Variants in SARS2 observed in about 807,000 individuals in gnomAD.
SARS2 encodes serine--tRNA ligase, mitochondrial.
Under a neutral mutation model 66.8 loss-of-function variants are expected in SARS2, and 52 were observed. The ratio of observed to expected loss-of-function variants is 0.78; its 90% CI spans 0.62 to 0.98. The LOEUF (loss-of-function observed/expected upper bound fraction) is 0.98. SARS2 is among the 50% of genes least tolerant of loss of function. SARS2 has a pLI of 0.00. For synonymous variants in SARS2, 306 were observed against 281.4 expected, an observed-to-expected ratio of 1.09 and a Z score of -0.87; for missense variants, 673 against 706.3, an observed-to-expected ratio of 0.95 and a Z score of 0.53.
chr19:38,922,421 C>T (rs1341178948), intron 2 of SARS2, among the ~76,000 whole-genome samples, 154 bp from the exon 3 acceptor site: 1 of 152,192 alleles, frequency 6.6e-6, no homozygotes, highest in Non-Finnish European at 1.5e-5. Flanking sequence ...GTTTCTGTTT[C>T]TCTATTGCTA....
At position 38,918,405 on chromosome 19, in the gene SARS2, C is replaced by T. The variant is rs1282708426; in HGVS notation, c.916+17G>A. On this transcript the variant is annotated intron_variant, in intron 9 of 15. Transcript: ENST00000221431. ...ACATCACTCCTGCTCCTCCCCACCA[C>T]CCACACAGGTCCTCACCTGCAAGCC... is the stretch of plus-strand genomic sequence containing the variant. 1 of 1,601,950 alleles carries T rather than the reference C, an allele frequency of 6.2e-7. No individual in the cohort carries two copies. The highest frequency in any genetic ancestry group is 8.5e-7 in the Non-Finnish European group (1 of 1,169,700).
At chr19:38,916,742 A>C (rs1974426031) in intron 12 of SARS2, among the ~76,000 whole-genome samples, 1 of 148,328 alleles carries the variant, frequency 6.7e-6, no homozygotes, top group South Asian at 2.1e-4. Flanking sequence ...GGCTCACTGC[A>C]ACCTCCACCT....
intron 6 of SARS2, 54 bp downstream of exon 6, chr19:38,920,032 G>T: frequency 6.7e-7 from 1 of 1,488,704 alleles, no homozygotes; most frequent in Non-Finnish European, 9.2e-7. Context: ...GGAGCCAGCT[G>T]TCGGGGTGCA....
rs778352710 is a variant in SARS2, at chr19:38,916,196, C to T, written c.1254+25G>A. On this transcript the variant is annotated intron_variant, in intron 13 of 15. Coordinates refer to ENST00000221431, the MANE Select transcript of SARS2 (RefSeq NM_017827.4). The stretch of plus-strand genomic sequence containing the variant: ...GGGCAGGCCTGTCCTCCTGCCCACC[C>T]CGTCCCCAGCGGCACAGGGCTCACC... 10 of 1,613,664 alleles carry T rather than the reference C, an allele frequency of 6.2e-6. No individual in the cohort carries two copies. In the South Asian group the frequency reaches 1.1e-4, roughly 18 times the overall value.
intron 3 of SARS2, 90 bp from the exon 4 acceptor site, chr19:38,921,757 G>A: frequency 1.9e-6 from 3 of 1,544,308 alleles, no homozygotes; most frequent in South Asian, 2.4e-5. Context: ...GAGCCCCTGT[G>A]GTGGACATTC....
intron 2 of SARS2, among the ~76,000 whole-genome samples, chr19:38,923,189 G>A (rs1431476705): frequency 7.1e-6 from 1 of 141,572 alleles, no homozygotes; most frequent in African/African-American, 2.6e-5. Context: ...ACAGGCGTGA[G>A]CCACCGCGCC....
chr19:38,926,694 G>A (rs934370817), intron 1 of SARS2, among the ~76,000 whole-genome samples: 1 of 152,180 alleles, frequency 6.6e-6, no homozygotes, highest in Non-Finnish European at 1.5e-5. Flanking sequence ...GCTGAGGCAC[G>A]AGAATCGCTT....
Position 38,930,224 on chromosome 19 carries a change from C to T in SARS2, c.267+246G>A, listed in dbSNP as rs1600175546. The T allele has an allele frequency of 2.4e-5, 13 of 543,374 alleles. No individual in the cohort carries two copies. In the East Asian group the frequency reaches 3.1e-4, roughly 13 times the overall value. 33.7% of individuals were successfully genotyped at this position (543,374 alleles called of 1,614,324 possible). ...TTCCTAAAGGACAGGAGGTACCCAG[C>T]GAGCAGTATGAAACAAGCGCATAAT... On this transcript the variant is annotated intron_variant, in intron 1 of 15. Coordinates refer to ENST00000221431, the MANE Select transcript of SARS2 (RefSeq NM_017827.4).
At position 38,917,929 on chromosome 19, in the gene SARS2, A is replaced by T. The variant is rs1114167285; in HGVS notation, c.1042T>A (p.Phe348Ile). The change falls in exon 11 of 16, where the codon TTC becomes ATC. Residue 348 changes from phenylalanine (F) to isoleucine (I), a missense_variant. Coordinates refer to ENST00000221431, the MANE Select transcript of SARS2 (RefSeq NM_017827.4). ...EPRGLYRVHHFTKVEMFGVTG... is the reference protein window; with the variant it reads ...EPRGLYRVHHITKVEMFGVTG... ...GTCCCAGCGACACCAGCCTTGGTGA[A>T]GTGGTGTACTCGATACAGCCCCCGG... 1.9e-6 allele frequency: 3 copies of T among 1,611,984 alleles called. No individual in the cohort carries two copies. The highest frequency in any genetic ancestry group is 2.5e-6 in the Non-Finnish European group (3 of 1,179,054).
intron 2 of SARS2, among the ~76,000 whole-genome samples, chr19:38,923,458 G>A (rs1179375935): frequency 1.4e-5 from 2 of 144,334 alleles, no homozygotes; most frequent in Non-Finnish European, 3.0e-5. Context: ...TCCTGACCTC[G>A]TGATCCGCCC....
intron 5 of SARS2, among the ~76,000 whole-genome samples, chr19:38,920,926 GAC>G (rs1390590571): frequency 7.5e-6 from 1 of 133,092 alleles, no homozygotes; most frequent in South Asian, 2.6e-4. Context: ...CACAGAGATA[GAC>G]ACACACATAG....
chr19:38,921,370 C>T (rs1261889012), intron 5 of SARS2, 22 bp downstream of exon 5: 1 of 1,612,258 alleles, frequency 6.2e-7, no homozygotes. Context: ...TTGTCAGCTC[C>T]CAGGCCTGGG....
intron 2 of SARS2, among the ~76,000 whole-genome samples, chr19:38,923,223 T>C (rs796612748): frequency 9.8e-5 from 11 of 111,740 alleles, no homozygotes; most frequent in South Asian, 3.0e-4. Context: ...GGTTTTCTTT[T>C]TTTTTTTTTT....
At chr19:38,927,407 A>C (rs1389293537) in intron 1 of SARS2, among the ~76,000 whole-genome samples, 2 of 151,790 alleles carry the variant, frequency 1.3e-5, no homozygotes, top group African/African-American at 2.4e-5. Flanking sequence ...TGTCTCTACA[A>C]AAATTAGCTG....
Position 38,915,674 on chromosome 19 carries a change from G to A in SARS2, c.1489C>T (p.Pro497Ser). ...TDRITAPTHVPLQYIGPNQPR... is the reference protein window; with the variant it reads ...TDRITAPTHVSLQYIGPNQPR... ...TGGTTGGGGCCGATGTACTGGAGAG[G>A]CACGTGGGTAGGGGCTGTGATCCGA... The change falls in exon 16 of 16, where the codon CCT (proline) becomes TCT (serine). Residue 497 changes from proline to serine, a missense_variant. Coordinates refer to ENST00000221431, the MANE Select transcript of SARS2 (RefSeq NM_017827.4). 6.2e-7 allele frequency: 1 copy of A among 1,613,336 alleles called. No homozygotes were observed. The highest frequency in any genetic ancestry group is 8.5e-7 in the Non-Finnish European group (1 of 1,179,688).
intron 8 of SARS2, 94 bp from the exon 9 acceptor site, chr19:38,918,624 C>T (rs1568424204): frequency 7.2e-7 from 1 of 1,388,490 alleles, no homozygotes; most frequent in African/African-American, 1.4e-5. Context: ...CTGAAAACAT[C>T]TGGAGCTGCC....
At chr19:38,927,707 C>T (rs1244543375) in intron 1 of SARS2, among the ~76,000 whole-genome samples, 1 of 152,142 alleles carries the variant, frequency 6.6e-6, no homozygotes, top group Non-Finnish European at 1.5e-5. Flanking sequence ...ACAATTCTTG[C>T]CAACACTTGT....
chr19:38,925,257 G>A (rs765960562), intron 2 of SARS2, among the ~76,000 whole-genome samples: 5 of 152,182 alleles, frequency 3.3e-5, no homozygotes, highest in Non-Finnish European at 7.3e-5. Context: ...AGGGTGCAGT[G>A]AGCCCAGATC....
chr19:38,921,309 A>G, intron 5 of SARS2, 83 bp downstream of exon 5: 1 of 1,441,196 alleles, frequency 6.9e-7, no homozygotes, highest in South Asian at 1.2e-5. Context: ...ACATGTTCCC[A>G]GACCCCAGGG....
Sources: gnomAD v4.1 joint callset for allele counts (sites outside exome capture counted in the v4.1 genomes callset) on GRCh38, gnomAD v4.1.1 for gene constraint, MANE v1.5 for transcripts, NCBI Gene and HGNC (gene_info 2026-07-23, HGNC 2026-07-21) for gene names.